The following LARGE1 variants were observed in gnomAD, a reference collection of about 807,000 sequenced individuals.
The protein encoded by LARGE1 is xylosyl- and glucuronyltransferase LARGE1.
In LARGE1, 43 loss-of-function variants were observed where a neutral mutation model predicts 87.6. The ratio of observed to expected loss-of-function variants is 0.49; its 90% CI spans 0.38 to 0.63. The LOEUF (loss-of-function observed/expected upper bound fraction) is 0.63, where lower values mean the gene tolerates loss of function less well. LARGE1 is among the 30% of genes least tolerant of loss of function. The pLI is 0.00. For synonymous variants in LARGE1, 434 were observed against 394.6 expected (o/e 1.10, Z -1.18); for missense variants, 802 against 1,000.2 (o/e 0.80, Z 2.67).
chr22:33,670,699 T>TA (rs2149262883), intron 2 of LARGE1, among the ~76,000 whole-genome samples: 1 of 152,246 alleles, frequency 6.6e-6, no homozygotes, highest in African/African-American at 2.4e-5. Context: ...CTTGCTATGA[T>TA]AAAAAACAAT....
At chr22:33,585,062 A>G (rs1322522694) in intron 5 of LARGE1, among the ~76,000 whole-genome samples, 1 of 152,198 alleles carries the variant, frequency 6.6e-6, no homozygotes, top group East Asian at 1.9e-4. Context: ...GGTTGCAGTG[A>G]GCCGAGATCG....
At chr22:33,308,000 C>T (rs935018553) in intron 11 of LARGE1, among the ~76,000 whole-genome samples, 2 of 152,118 alleles carry the variant, frequency 1.3e-5, no homozygotes, top group Admixed American at 1.3e-4. Flanking sequence ...TGTCTCTGTC[C>T]CATGTTGGTT....
intron 6 of LARGE1, among the ~76,000 whole-genome samples, chr22:33,436,086 G>C (rs1200964929): frequency 6.6e-6 from 1 of 152,166 alleles, no homozygotes; most frequent in African/African-American, 2.4e-5. Flanking sequence ...CAATATAGTT[G>C]GAGATAAAGA....
At position 33,355,906 on chromosome 22, in the gene LARGE1, T is replaced by A. The variant is rs5994722; in HGVS notation, c.1132-18105A>T. 5.3e-3 allele frequency among the ~76,000 whole-genome samples: 814 copies of A among 152,330 alleles called. 9 individuals are homozygous for A. Among genetic ancestry groups the A allele is most frequent in the African/African-American group, 0.018 (752 of 41,570 alleles). ...CATTCTGTAATCAAAGGGGAGTCTT[T>A]CCTGTGTGTTGATATAAAATAGATG... On this transcript the variant is annotated intron_variant, in intron 9 of 14. Transcript: ENST00000397394.
intron 10 of LARGE1, among the ~76,000 whole-genome samples, chr22:33,331,357 T>G (rs1366123203): frequency 6.6e-6 from 1 of 152,040 alleles, no homozygotes; most frequent in Non-Finnish European, 1.5e-5. Context: ...ATGCAAAAAT[T>G]AACTTGTGCA....
intron 11 of LARGE1, among the ~76,000 whole-genome samples, chr22:33,213,198 TGAA>T (rs1925045325): frequency 6.6e-6 from 1 of 152,084 alleles, no homozygotes; most frequent in Non-Finnish European, 1.5e-5. Flanking sequence ...AAGTAGCGTG[TGAA>T]GAGATGGAGT....
At chr22:33,433,785 C>A (rs1370101732) in intron 6 of LARGE1, among the ~76,000 whole-genome samples, 1 of 152,092 alleles carries the variant, frequency 6.6e-6, no homozygotes, top group South Asian at 2.1e-4. Flanking sequence ...CAAATGGAAG[C>A]CCATCCGCAC....
chr22:33,550,912 C>G (rs1165622329), intron 6 of LARGE1, among the ~76,000 whole-genome samples: 1 of 152,126 alleles, frequency 6.6e-6, no homozygotes, highest in Non-Finnish European at 1.5e-5. Context: ...ATGGGTGGAA[C>G]TGGAGGTTAC....
At chr22:33,583,077 C>T (rs564656777) in intron 5 of LARGE1, among the ~76,000 whole-genome samples, 1 of 152,198 alleles carries the variant, frequency 6.6e-6, no homozygotes, top group Non-Finnish European at 1.5e-5. Flanking sequence ...ACAAATAGGA[C>T]TCTTGCTCTT....
At position 33,439,649 on chromosome 22, in the gene LARGE1, G is replaced by A. The variant is rs192070089; in HGVS notation, c.788-7384C>T. ...CTTCAGACACTATTGACTGGAAGAT[G>A]ATCACCAATCTCCATGTTAACTCAG... On this transcript the variant is annotated intron_variant, in intron 6 of 14. Coordinates refer to ENST00000397394, the MANE Select transcript of LARGE1 (RefSeq NM_133642.5). Among the ~76,000 whole-genome samples, 21 of 152,240 alleles carry A rather than the reference G, an allele frequency of 1.4e-4. No individual in the cohort carries two copies. The East Asian group carries it at 4.1e-3, about 29-fold the overall frequency.
chr22:33,650,571 G>A lies in LARGE1; in HGVS notation c.204C>T (p.Arg68=), dbSNP rs2080767580. The part of the protein sequence containing the change: ...SQRERESLEV[R]MREVEEENRA... ...GGTTCTCCTCCTCCACCTCGCGCATGCGCACCTCCAGGCTCTCGCGCTCCC... is the reference window on the plus strand; with the variant it reads ...GGTTCTCCTCCTCCACCTCGCGCATACGCACCTCCAGGCTCTCGCGCTCCC... The change falls in exon 3 of 15, where the codon CGC becomes CGT. Residue 68 remains arginine (R), a synonymous_variant. Transcript: ENST00000397394. 3.7e-6 allele frequency: 6 copies of A among 1,607,632 alleles called. No individual in the cohort carries two copies. The East Asian group carries it at 1.1e-4, about 30-fold the overall frequency.
intron 6 of LARGE1, among the ~76,000 whole-genome samples, chr22:33,463,574 T>C (rs1051762646): frequency 3.9e-5 from 6 of 152,172 alleles, no homozygotes; most frequent in Non-Finnish European, 5.9e-5. Context: ...AAAATCCCAA[T>C]GTGTGTGTAT....
chr22:33,737,732 A>T (rs2083708070), intron 2 of LARGE1: 1 of 152,204 alleles, frequency 6.6e-6, no homozygotes, highest in South Asian at 2.1e-4. Flanking sequence ...GAAAAAGCAA[A>T]GAGTGGGACA....
intron 5 of LARGE1, among the ~76,000 whole-genome samples, chr22:33,567,053 G>A (rs1602472936): frequency 6.6e-6 from 1 of 152,262 alleles, no homozygotes; most frequent in East Asian, 1.9e-4. Flanking sequence ...CCCACACAAA[G>A]CATTTGATCT....
intron 6 of LARGE1, among the ~76,000 whole-genome samples, chr22:33,513,488 T>A (rs1033299517): frequency 1.3e-5 from 2 of 152,088 alleles, no homozygotes; most frequent in Non-Finnish European, 2.9e-5. Flanking sequence ...ATCTTACAAA[T>A]GGTATCCAGA....
At chr22:33,558,287 C>T (rs1232125654) in intron 6 of LARGE1, among the ~76,000 whole-genome samples, 1 of 152,038 alleles carries the variant, frequency 6.6e-6, no homozygotes, top group African/African-American at 2.4e-5. Context: ...TATGGGCTAA[C>T]AGGGCGGGGG....
chr22:33,824,978 G>C (rs891816213), intron 1 of LARGE1, among the ~76,000 whole-genome samples: 2 of 152,170 alleles, frequency 1.3e-5, no homozygotes, highest in African/African-American at 4.8e-5. Context: ...CTCATCCCAG[G>C]AACACTTTGG....
downstream of LARGE1, among the ~76,000 whole-genome samples, chr22:33,272,361 C>T (rs1253740144): frequency 6.6e-6 from 1 of 152,130 alleles, no homozygotes; most frequent in Non-Finnish European, 1.5e-5. Context: ...CAATGATATG[C>T]TGCTGGTAAA....
chr22:33,181,900 G>A (rs190199146), intron 11 of LARGE1, among the ~76,000 whole-genome samples: 12 of 143,646 alleles, frequency 8.4e-5, no homozygotes, highest in African/African-American at 2.6e-4. Flanking sequence ...GCACGATCTC[G>A]GCCGCCTCAG....
Sources: allele counts gnomAD v4.1 joint callset (sites outside exome capture counted in the v4.1 genomes callset), GRCh38; gene constraint gnomAD v4.1.1; transcripts MANE v1.5; gene names NCBI Gene and HGNC (gene_info 2026-07-23, HGNC 2026-07-21).